The following ZBTB7C variants were observed in gnomAD, a reference collection of about 807,000 sequenced individuals.
ZBTB7C encodes zinc finger and BTB domain containing 7C.
Under a neutral mutation model 25.7 loss-of-function variants are expected in ZBTB7C, and 8 were observed. The ratio of observed to expected loss-of-function variants is 0.31; its 90% CI spans 0.18 to 0.56. The LOEUF is 0.56. ZBTB7C is among the 20% of genes least tolerant of loss of function. The pLI is 0.91. For missense variants in ZBTB7C, 824 were observed against 855.2 expected (o/e 0.96, Z 0.46); for synonymous variants, 394 against 369.0 (o/e 1.07, Z -0.78).
intron 2 of ZBTB7C, among the ~76,000 whole-genome samples, chr18:48,286,235 T>TGC (rs1262146930): frequency 2.4e-5 from 2 of 83,186 alleles, no homozygotes; most frequent in Non-Finnish European, 4.9e-5. Context: ...GAGGTGTGCG[T>TGC]GTGTGTGTGT....
At chr18:48,278,498 C>T (rs1178368904) in intron 2 of ZBTB7C, among the ~76,000 whole-genome samples, 1 of 151,506 alleles carries the variant, frequency 6.6e-6, no homozygotes, top group African/African-American at 2.4e-5. Flanking sequence ...TGCAATGGTG[C>T]GATCTTGGCT....
At chr18:48,309,451 C>T (rs1270227670) in intron 2 of ZBTB7C, among the ~76,000 whole-genome samples, 1 of 152,214 alleles carries the variant, frequency 6.6e-6, no homozygotes, top group Non-Finnish European at 1.5e-5. Context: ...AAATCCACAA[C>T]CTTAAGCAGG....
intron 2 of ZBTB7C, among the ~76,000 whole-genome samples, chr18:48,280,373 C>G (rs2144629603): frequency 6.6e-6 from 1 of 152,268 alleles, no homozygotes; most frequent in East Asian, 1.9e-4. Context: ...GGGCTCCATT[C>G]CCATTGGTGT....
At chr18:48,408,082 C>T (rs2048322837) in intron 1 of ZBTB7C, among the ~76,000 whole-genome samples, 1 of 152,230 alleles carries the variant, frequency 6.6e-6, no homozygotes, top group Non-Finnish European at 1.5e-5. Context: ...ACCAGAAACT[C>T]CGGCTCTAGC....
intron 3 of ZBTB7C, among the ~76,000 whole-genome samples, chr18:48,115,674 G>C (rs192757835): frequency 1.3e-3 from 203 of 152,240 alleles, no homozygotes; most frequent in Middle Eastern, 6.8e-3. Context: ...ATGAACATTC[G>C]TATACTAGTA....
intron 2 of ZBTB7C, among the ~76,000 whole-genome samples, chr18:48,234,959 T>C (rs1241545667): frequency 6.6e-6 from 1 of 152,234 alleles, no homozygotes; most frequent in Non-Finnish European, 1.5e-5. Context: ...ATAATGCTTC[T>C]TGCTTAAGAA....
chr18:48,106,345 G>GA (rs56291079), intron 3 of ZBTB7C, among the ~76,000 whole-genome samples: 17,966 of 139,556 alleles, frequency 0.13, 2,183 homozygotes, highest in African/African-American at 0.31. Context: ...AAAGTGGCAA[G>GA]AAAAAAAAAA....
chr18:48,283,337 A>G (rs77583858), intron 2 of ZBTB7C, among the ~76,000 whole-genome samples: 2,947 of 152,304 alleles, frequency 0.019, 98 homozygotes, highest in African/African-American at 0.067. Context: ...AGAGGATTAT[A>G]TGAAATTTAA....
At chr18:48,267,674 G>C (rs547157148) in intron 2 of ZBTB7C, among the ~76,000 whole-genome samples, 3 of 152,260 alleles carry the variant, frequency 2.0e-5, no homozygotes, top group East Asian at 3.9e-4. Flanking sequence ...GTTAGAAGGT[G>C]GTGGAGCCTT....
intron 3 of ZBTB7C, among the ~76,000 whole-genome samples, chr18:48,052,806 G>A (rs2036749079): frequency 6.6e-6 from 1 of 152,172 alleles, no homozygotes. Context: ...AGACTAGCTG[G>A]TTGTGAATGT....
intron 3 of ZBTB7C, among the ~76,000 whole-genome samples, chr18:48,065,377 C>A (rs1355531620): frequency 6.6e-6 from 1 of 151,940 alleles, no homozygotes; most frequent in Non-Finnish European, 1.5e-5. Flanking sequence ...CTGAGAAAGC[C>A]CATAGTATAG....
chr18:48,041,300 G>C, intron 3 of ZBTB7C, 177 bp from the exon 4 acceptor site: 9 of 985,322 alleles, frequency 9.1e-6, no homozygotes, highest in Non-Finnish European at 1.1e-5. Context: ...TGGCTTACAA[G>C]CTGGGGCTTT....
At chr18:48,105,384 G>T (rs1311629770) in intron 3 of ZBTB7C, among the ~76,000 whole-genome samples, 1 of 152,172 alleles carries the variant, frequency 6.6e-6, no homozygotes, top group African/African-American at 2.4e-5. Flanking sequence ...GAATCTCAGT[G>T]CTTCTCAACA....
chr18:48,146,440 G>T (rs1158523585), intron 3 of ZBTB7C, among the ~76,000 whole-genome samples: 2 of 152,064 alleles, frequency 1.3e-5, no homozygotes, highest in Admixed American at 1.3e-4. Flanking sequence ...GTACAGAGAG[G>T]CTATATATGT....
At chr18:48,194,404 A>G (rs182562045) in intron 2 of ZBTB7C, among the ~76,000 whole-genome samples, 1 of 152,334 alleles carries the variant, frequency 6.6e-6, no homozygotes, top group Non-Finnish European at 1.5e-5. Context: ...TGTCTGAACT[A>G]AAATCTAGAA....
At position 48,041,008 on chromosome 18, in the gene ZBTB7C, A is replaced by G. The variant is rs1383591986; in HGVS notation, c.100T>C (p.Cys34Arg). ...LNEQRHDGLL[C>R]DVLLVVQEQE... The stretch of plus-strand genomic sequence containing the variant: ...TCCTGCACCACCAGGAGCACGTCAC[A>G]CAGCAGGCCATCGTGCCGTTGCTCA... The change falls in exon 4 of 5, where the codon TGT (cysteine) becomes CGT (arginine). Residue 34 changes from cysteine (C) to arginine (R), a missense_variant. Cys to Arg is a radical substitution (Grantham distance 180, BLOSUM62 -3). Coordinates refer to ENST00000590800, the MANE Select transcript of ZBTB7C (RefSeq NM_001318841.2). 6.2e-7 allele frequency: 1 copy of G among 1,613,982 alleles called. No homozygotes were observed. The highest frequency in any genetic ancestry group is 8.5e-7 in the Non-Finnish European group (1 of 1,179,932).
chr18:48,266,327 T>G (rs542559130), intron 2 of ZBTB7C, among the ~76,000 whole-genome samples: 2 of 152,236 alleles, frequency 1.3e-5, no homozygotes, highest in African/African-American at 4.8e-5. Flanking sequence ...GCAAGGGTCT[T>G]GGTTTCTGGT....
chr18:48,399,804 A>T (rs534845268), intron 1 of ZBTB7C, among the ~76,000 whole-genome samples: 2 of 152,178 alleles, frequency 1.3e-5, no homozygotes, highest in Admixed American at 1.3e-4. Context: ...CCAAATCCCC[A>T]CTCACCAGAG....
chr18:48,150,242 C>T (rs2040632699), intron 3 of ZBTB7C: 1 of 152,118 alleles, frequency 6.6e-6, no homozygotes, highest in Non-Finnish European at 1.5e-5. Flanking sequence ...CACTTTAAAT[C>T]TTGGGAAACT....
Sources: gnomAD v4.1 joint callset for allele counts (sites outside exome capture counted in the v4.1 genomes callset) on GRCh38, gnomAD v4.1.1 for gene constraint, MANE v1.5 for transcripts, NCBI Gene and HGNC (gene_info 2026-07-23, HGNC 2026-07-21) for gene names.